The following IQCH variants were observed in gnomAD, a reference collection of about 807,000 sequenced individuals.
IQCH encodes IQ domain-containing protein H.
IQCH carries 98 observed loss-of-function variants against 117.0 expected under a neutral mutation model. The ratio of observed to expected loss-of-function variants is 0.84; its 90% CI spans 0.71 to 0.99. The LOEUF (loss-of-function observed/expected upper bound fraction) is 0.99. Ranked by LOEUF, IQCH falls within the 50% of genes least tolerant of loss-of-function variation. IQCH has a pLI of 0.00. For missense variants in IQCH, 1,102 were observed against 1,243.8 expected (o/e 0.89, Z 1.72); for synonymous variants, 412 against 448.2 (o/e 0.92, Z 1.02).
In IQCH at chr15:67,395,340, T is replaced by C; in HGVS notation, c.1682T>C (p.Ile561Thr). The part of the protein sequence containing the change: ...ATHLMYSPKA[I>T]KRIKNLIRGT... ...CACCTGATGTACAGTCCCAAGGCAA[T>C]CAAAAGAATAAAAAATCTCATCCGA... The change falls in exon 13 of 21, where the codon ATC becomes ACC. Residue 561 changes from isoleucine (I) to threonine (T), a missense_variant. By Grantham distance (89) the Ile-to-Thr change is moderately conservative (BLOSUM62 -1). This residue lies in a region of IQCH where 650 missense variants were observed against 794.3 expected (regional missense o/e 0.82). Transcript: ENST00000335894. The surrounding 1 kb of genome is among the most constrained non-coding windows in gnomAD (Gnocchi z 4.0). The C allele has an allele frequency of 6.2e-7, 1 of 1,613,954 alleles. No individual in the cohort carries two copies. Among genetic ancestry groups the C allele is most frequent in the South Asian group, 1.1e-5 (1 of 91,072 alleles).
rs900389135 is a variant in IQCH, at chr15:67,380,195, G to A, written c.1373-4741G>A. 2.0e-5 allele frequency among the ~76,000 whole-genome samples: 3 copies of A among 152,230 alleles called. No homozygotes were observed. In the South Asian group the frequency reaches 6.2e-4, roughly 32 times the overall value. ...GTGTGAAAATGTACTAATACAACTGGCTTTAGTTGCATGCAATGCTGTGCT... is the reference window on the plus strand; with the variant it reads ...GTGTGAAAATGTACTAATACAACTGACTTTAGTTGCATGCAATGCTGTGCT... On this transcript the variant is annotated intron_variant, in intron 10 of 20. Transcript: ENST00000335894.
rs1010083254 is a variant in IQCH at position 67,436,579 on chromosome 15, G to GAT, written c.2505+15002_2505+15003insAT. Among the ~76,000 whole-genome samples the GAT allele has an allele frequency of 6.6e-6, 1 of 152,198 alleles. No homozygotes were observed. The highest frequency in any genetic ancestry group is 2.4e-5 in the African/African-American group (1 of 41,448). ...TGAGAAGCCTCCTGGCGAGAACTCA[G>GAT]GGGAGGGCACAAATCCGGTGTGCAG... is the stretch of plus-strand genomic sequence containing the variant. On this transcript the variant is annotated intron_variant, in intron 16 of 20. Coordinates refer to ENST00000335894, the MANE Select transcript of IQCH (RefSeq NM_001031715.3). The surrounding 1 kb of genome is among the most constrained non-coding windows in gnomAD (Gnocchi z 5.1).
At chr15:67,349,176 A>G (rs965085571) in intron 6 of IQCH, among the ~76,000 whole-genome samples, 2 of 152,252 alleles carry the variant, frequency 1.3e-5, no homozygotes, top group African/African-American at 4.8e-5. Context: ...AACAAAGGGG[A>G]AAATTTTTTG....
rs1007235501 is a variant in IQCH, at chr15:67,426,080, T to C, written c.2505+4503T>C. 2.0e-5 allele frequency among the ~76,000 whole-genome samples: 3 copies of C among 152,196 alleles called. No homozygotes were observed. The highest frequency in any genetic ancestry group is 4.4e-5 in the Non-Finnish European group (3 of 68,034). ...TCTGACACAATAAGATGTTCCAGGCTCATTTTCTATTTTCCTTGCCCTGGA... is the reference window on the plus strand; with the variant it reads ...TCTGACACAATAAGATGTTCCAGGCCCATTTTCTATTTTCCTTGCCCTGGA... On this transcript the variant is annotated intron_variant, in intron 16 of 20. Coordinates refer to ENST00000335894, the MANE Select transcript of IQCH (RefSeq NM_001031715.3). The surrounding 1 kb of genome is among the most constrained non-coding windows in gnomAD (Gnocchi z 5.1).
At chr15:67,328,170 T>A (rs1473768551) in intron 4 of IQCH, among the ~76,000 whole-genome samples, 1 of 147,502 alleles carries the variant, frequency 6.8e-6, no homozygotes, top group African/African-American at 2.5e-5. Context: ...GTTTTTTTTT[T>A]ACATTTTGTC....
At chr15:67,352,435 G>A (rs780831214) in intron 6 of IQCH, among the ~76,000 whole-genome samples, 22 of 151,870 alleles carry the variant, frequency 1.4e-4, no homozygotes, top group Non-Finnish European at 2.5e-4. Context: ...TTTCAATACT[G>A]CATTCACTTC....
In IQCH at chr15:67,369,610, GAAGA is replaced by G. The variant is rs529627935; in HGVS notation, c.754-2493_754-2490del. Among the ~76,000 whole-genome samples, 346 of 152,092 alleles carry G rather than the reference GAAGA, an allele frequency of 2.3e-3. 3 individuals carry two copies. Among genetic ancestry groups the G allele is most frequent in the African/African-American group, 8.1e-3 (335 of 41,488 alleles). ...AGGAAAAGAAAAAGAAGGAAAGAAA[GAAGA>G]AAGAAAGCCAACAAATAATAGTAGA... On this transcript the variant is annotated intron_variant, in intron 8 of 20. Transcript: ENST00000335894. This position sits in a 1 kb window ranked among gnomAD's most constrained non-coding sequence, Gnocchi z 5.2.
In IQCH at chr15:67,342,208, AGT is replaced by A. The variant is rs1251259242; in HGVS notation, c.509-1853_509-1852del. ...CTTTAGCCCAGGTATTCAAGGGTGC[AGT>A]GAGCTATGATGGTGCCACTGCACTC... On this transcript the variant is annotated intron_variant, in intron 5 of 20. Transcript: ENST00000335894. This position sits in a 1 kb window ranked among gnomAD's most constrained non-coding sequence, Gnocchi z 4.7. Among the ~76,000 whole-genome samples, 10 of 152,278 alleles carry A rather than the reference AGT, an allele frequency of 6.6e-5. No homozygotes were observed. The highest frequency in any genetic ancestry group is 3.4e-3 in the Middle Eastern group (1 of 294).
At position 67,353,368 on chromosome 15, in the gene IQCH, T is replaced by TA. The variant is rs1359015958; in HGVS notation, c.638-3977_638-3976insA. ...TTTTATTTTATATTTATTTATTTTT[T>TA]TTTTTTTTTGAGACAGAGTCTCACT... is the stretch of plus-strand genomic sequence containing the variant. On this transcript the variant is annotated intron_variant, in intron 6 of 20. Transcript: ENST00000335894. Among the ~76,000 whole-genome samples the TA allele has an allele frequency of 8.0e-3, 1,158 of 143,872 alleles. 9 individuals carry two copies. The highest frequency in any genetic ancestry group is 0.011 in the Middle Eastern group (3 of 268). 94.4% of individuals were successfully genotyped at this position (143,872 alleles called of 152,430 possible).
intron 17 of IQCH, among the ~76,000 whole-genome samples, chr15:67,468,505 C>A (rs1408172888): frequency 6.6e-6 from 1 of 152,220 alleles, no homozygotes; most frequent in Non-Finnish European, 1.5e-5. Context: ...TAATTATGTA[C>A]AAAACCAATC....
At chr15:67,486,038 C>CCTTTTTTTT (rs1555513837) in intron 18 of IQCH, among the ~76,000 whole-genome samples, 2 of 106,306 alleles carry the variant, frequency 1.9e-5, no homozygotes, top group African/African-American at 7.4e-5. Context: ...GCTAAGTTTT[C>CCTTTTTTTT]TTTTTTTTTT....
intron 16 of IQCH, among the ~76,000 whole-genome samples, chr15:67,438,139 C>T (rs953398702): frequency 1.6e-4 from 25 of 152,146 alleles, no homozygotes; most frequent in African/African-American, 6.0e-4. Flanking sequence ...TCTTTAAGAG[C>T]TGTGAGAGAG....
rs2082943608 is a variant in IQCH, at chr15:67,466,868, G to A, written c.2676+1571G>A. 1.3e-5 allele frequency: 2 copies of A among 152,426 alleles called. No homozygotes were observed. Among genetic ancestry groups the A allele is most frequent in the Non-Finnish European group, 1.5e-5 (1 of 68,160 alleles). The allele number at this position is 152,426 out of a possible 1,614,324, so 9.4% of individuals were successfully genotyped here. A position where few individuals can be genotyped will look rare whatever the true frequency, so the allele number is the denominator to read the frequency against. On this transcript the variant is annotated intron_variant, in intron 17 of 20. Transcript: ENST00000335894. This position sits in a 1 kb window ranked among gnomAD's most constrained non-coding sequence, Gnocchi z 4.4. ...AGAGACCCTATGTTCAGTGCTAGAG[G>A]GAGAAACAGCAGTGACACTTGAGCC...
rs184680418 is a variant in IQCH, at chr15:67,322,191, A to G, written c.388-14784A>G. Among the ~76,000 whole-genome samples, 125 of 152,308 alleles carry G rather than the reference A, an allele frequency of 8.2e-4. 2 individuals carry two copies. The highest frequency in any genetic ancestry group is 2.4e-4 in the Non-Finnish European group (16 of 68,020). ...TGTTGTGTTTTCCTGGTTATAAGAAACTTTCATCTGTTTAAGACTCTTTCA... is the reference window on the plus strand; with the variant it reads ...TGTTGTGTTTTCCTGGTTATAAGAAGCTTTCATCTGTTTAAGACTCTTTCA... On this transcript the variant is annotated intron_variant, in intron 4 of 20. Coordinates refer to ENST00000335894, the MANE Select transcript of IQCH (RefSeq NM_001031715.3).
At chr15:67,398,171 T>A (rs1971529500) in intron 13 of IQCH, among the ~76,000 whole-genome samples, 1 of 152,080 alleles carries the variant, frequency 6.6e-6, no homozygotes, top group Non-Finnish European at 1.5e-5. Context: ...CCTGCAAATA[T>A]ATAATATATC....
intron 16 of IQCH, among the ~76,000 whole-genome samples, 153 bp downstream of exon 16, chr15:67,421,730 G>A (rs946698587): frequency 2.0e-5 from 3 of 152,182 alleles, no homozygotes; most frequent in Admixed American, 6.5e-5. Context: ...TGGCCCATGC[G>A]AATCCAAGTG....
At chr15:67,332,756 G>T (rs1187103233) in intron 4 of IQCH, among the ~76,000 whole-genome samples, 1 of 152,130 alleles carries the variant, frequency 6.6e-6, no homozygotes, top group Non-Finnish European at 1.5e-5. Context: ...TTGAAGCTAA[G>T]ATATAGTATT....
chr15:67,340,661 A>G (rs1969129548), intron 5 of IQCH, among the ~76,000 whole-genome samples: 1 of 152,142 alleles, frequency 6.6e-6, no homozygotes, highest in South Asian at 2.1e-4. Flanking sequence ...CAGGGAGCAC[A>G]TTCAAAGTAT....
At chr15:67,305,414 G>A (rs1393601298) in intron 4 of IQCH, among the ~76,000 whole-genome samples, 1 of 152,024 alleles carries the variant, frequency 6.6e-6, no homozygotes, top group Admixed American at 6.6e-5. Flanking sequence ...TGGTTTAAGA[G>A]CACTTTATCT....
Sources: allele counts gnomAD v4.1 joint callset (sites outside exome capture counted in the v4.1 genomes callset), GRCh38; gene constraint gnomAD v4.1.1; regional missense constraint gnomAD v4.1.1; non-coding constraint Gnocchi (gnomAD v3.1); transcripts MANE v1.5; gene names NCBI Gene and HGNC (gene_info 2026-07-23, HGNC 2026-07-21).